The following GBF1 variants were observed in gnomAD, a reference collection of about 807,000 sequenced individuals.
GBF1 encodes Golgi-specific brefeldin A-resistance guanine nucleotide exchange factor 1.
A neutral mutation model predicts 210.5 loss-of-function variants in GBF1; 114 were observed. That is an observed-to-expected ratio of 0.54 (90% CI 0.47 to 0.63). The LOEUF (loss-of-function observed/expected upper bound fraction) is 0.63, where lower values mean the gene tolerates loss of function less well. Among genes scored for constraint, GBF1 ranks in the 30% least tolerant of loss-of-function variants. GBF1 has a pLI of 0.00. For missense variants in GBF1, 1,851 were observed against 2,357.7 expected, an observed-to-expected ratio of 0.79 and a Z score of 4.45; for synonymous variants, 850 against 889.2, an observed-to-expected ratio of 0.96 and a Z score of 0.78.
At chr10:102,380,157 T>C (rs2060754081) in intron 36 of GBF1, 92 bp from the exon 37 acceptor site, 7 of 846,578 alleles carry the variant, frequency 8.3e-6, no homozygotes, top group Non-Finnish European at 1.2e-5. Flanking sequence ...AAGATTCTCA[T>C]GCAAGATAGG....
At chr10:102,308,039 C>T (rs2078067913) in intron 3 of GBF1, among the ~76,000 whole-genome samples, 1 of 152,068 alleles carries the variant, frequency 6.6e-6, no homozygotes, top group Non-Finnish European at 1.5e-5. Context: ...CTCAGACTTT[C>T]ATACCCTAAG....
Position 102,377,040 on chromosome 10 carries a change from C to A in GBF1, c.4394C>A (p.Thr1465Asn), listed in dbSNP as rs1187619126. The A allele has an allele frequency of 6.2e-7, 1 of 1,614,144 alleles. No individual in the cohort carries two copies. Among genetic ancestry groups the A allele is most frequent in the Non-Finnish European group, 8.5e-7 (1 of 1,179,982 alleles). ...GGATCAATGCTTCGCCGGCCTCGAA[C>A]CTCCAGCCAACATGCCTCTCGGGGC... ...KEGSMLRRPRTSSQHASRGGQ... is the reference protein window; with the variant it reads ...KEGSMLRRPRNSSQHASRGGQ... Residue 1465 changes from threonine to asparagine, a missense_variant, in exon 33 of 40, where the codon ACC (threonine) becomes AAC (asparagine). By Grantham distance (65) the Thr-to-Asn change is moderately conservative. Coordinates refer to ENST00000369983, the MANE Select transcript of GBF1 (RefSeq NM_001377137.1).
rs1452314061 is a variant in GBF1, at chr10:102,361,875, C to A, written c.1649C>A (p.Ser550Tyr). 3 of 1,611,396 alleles carry A rather than the reference C, an allele frequency of 1.9e-6. No homozygotes were observed. Among genetic ancestry groups the A allele is most frequent in the Non-Finnish European group, 2.5e-6 (3 of 1,178,738 alleles). ...AACTATGATTGTGACTACTACTGTT[C>A]CAACCTCTTTGAGGAACTCACAAAG... The part of the protein sequence containing the change: ...YINYDCDYYC[S>Y]NLFEELTKLL... The change falls in exon 14 of 40, where the codon TCC becomes TAC. Residue 550 changes from serine to tyrosine, a missense_variant. Ser to Tyr is a moderately radical substitution (Grantham distance 144). Around this residue, in one of 3 missense-constraint regions of GBF1, gnomAD observed 804 missense variants for 958.6 expected, o/e 0.84. Coordinates refer to ENST00000369983, the MANE Select transcript of GBF1 (RefSeq NM_001377137.1).
At chr10:102,368,068 C>G in intron 21 of GBF1, 150 bp from the exon 22 acceptor site, 1 of 678,800 alleles carries the variant, frequency 1.5e-6, no homozygotes, top group Non-Finnish European at 2.6e-6. Flanking sequence ...TCTGTCTGCT[C>G]CCACTGGTGG....
At chr10:102,267,045 C>G (rs997468453) in intron 3 of GBF1, among the ~76,000 whole-genome samples, 2 of 152,212 alleles carry the variant, frequency 1.3e-5, no homozygotes, top group African/African-American at 2.4e-5. Flanking sequence ...GGAACTATGA[C>G]TTAACACCTG....
At position 102,368,258 on chromosome 10, in the gene GBF1, G is replaced by A. The variant is rs931736030; in HGVS notation, c.2683G>A (p.Val895Ile). ...IVMPEEQTGL[V>I]RENYVWNVLL... ...AATGCCTGAGGAGCAGACAGGCTTG[G>A]TTCGGGAGAACTATGTGTGGAATGT... is the stretch of plus-strand genomic sequence containing the variant. Residue 895 changes from valine (V) to isoleucine (I), a missense_variant, in exon 22 of 40, where the codon GTT (valine) becomes ATT (isoleucine). This residue lies in a region of GBF1 where 967 missense variants were observed against 1,247.7 expected (regional missense o/e 0.78). Transcript: ENST00000369983. 9 of 1,614,026 alleles carry A rather than the reference G, an allele frequency of 5.6e-6. No homozygotes were observed. The highest frequency in any genetic ancestry group is 1.3e-5 in the African/African-American group (1 of 74,944).
Position 102,375,595 on chromosome 10 carries a change from T to G in GBF1, c.3886+11T>G. ...ATGCACCTGATGCCGGTAAGCCCTTTCCCAGGGAGACTCAGGCTGGCAGAT... is the reference window on the plus strand; with the variant it reads ...ATGCACCTGATGCCGGTAAGCCCTTGCCCAGGGAGACTCAGGCTGGCAGAT... On this transcript the variant is annotated intron_variant, in intron 30 of 39. Transcript: ENST00000369983. 1 of 1,567,210 alleles carries G rather than the reference T, an allele frequency of 6.4e-7. No individual in the cohort carries two copies. Among genetic ancestry groups the G allele is most frequent in the South Asian group, 1.1e-5 (1 of 90,084 alleles).
At chr10:102,251,702 C>T (rs1376784838) in intron 1 of GBF1, among the ~76,000 whole-genome samples, 3 of 151,992 alleles carry the variant, frequency 2.0e-5, no homozygotes, top group East Asian at 1.9e-4. Context: ...AACAGGTGTG[C>T]GCCACCACAC....
intron 3 of GBF1, among the ~76,000 whole-genome samples, chr10:102,294,422 C>T (rs1295148722): frequency 1.3e-5 from 2 of 150,648 alleles, no homozygotes; most frequent in Non-Finnish European, 1.5e-5. Flanking sequence ...TGCTCTGTCG[C>T]CCAGGCTGGA....
At chr10:102,367,649 A>G (rs1191363824) in intron 21 of GBF1, 89 bp downstream of exon 21, 2 of 811,498 alleles carry the variant, frequency 2.5e-6, no homozygotes, top group African/African-American at 3.3e-5. Context: ...GTCAGACTGC[A>G]GTGACTCACA....
intron 3 of GBF1, among the ~76,000 whole-genome samples, chr10:102,330,821 G>A (rs1398923398): frequency 6.6e-6 from 1 of 152,178 alleles, no homozygotes; most frequent in African/African-American, 2.4e-5. Flanking sequence ...AGTTAATCTG[G>A]CTATTTAGCA....
chr10:102,293,852 A>ACTG (rs2076685533), intron 3 of GBF1, among the ~76,000 whole-genome samples: 1 of 130,532 alleles, frequency 7.7e-6, no homozygotes, highest in Non-Finnish European at 1.5e-5. Context: ...ATCTCTGCTC[A>ACTG]CTGCAAGCTC....
At chr10:102,310,292 C>T (rs950998803) in intron 3 of GBF1, among the ~76,000 whole-genome samples, 4 of 152,220 alleles carry the variant, frequency 2.6e-5, no homozygotes, top group South Asian at 2.1e-4. Flanking sequence ...TTCAAACTAG[C>T]TTCCTAAGAT....
rs1336373725 is a variant in GBF1 at position 102,363,283 on chromosome 10, C to T, written c.1904C>T (p.Ala635Val). 6.2e-7 allele frequency: 1 copy of T among 1,613,514 alleles called. No homozygotes were observed. The highest frequency in any genetic ancestry group is 1.3e-5 in the African/African-American group (1 of 74,930). Residue 635 changes from alanine (A) to valine (V), a missense_variant, in exon 16 of 40, where the codon GCT (alanine) becomes GTT (valine). Ala to Val is a moderately conservative substitution (Grantham distance 64). This residue lies in a region of GBF1 where 804 missense variants were observed against 958.6 expected (regional missense o/e 0.84). Coordinates refer to ENST00000369983, the MANE Select transcript of GBF1 (RefSeq NM_001377137.1). The surrounding 1 kb of genome is among the most constrained non-coding windows in gnomAD (Gnocchi z 4.2). ...GAGAGAACTGCCAGCGATGGGAAAG[C>T]TGTAGGCATGGCCTCAGACATCCCA... is the stretch of plus-strand genomic sequence containing the variant. ...NTERTASDGK[A>V]VGMASDIPGL...
chr10:102,345,033 T>C, intron 4 of GBF1, among the ~76,000 whole-genome samples: 1 of 151,960 alleles, frequency 6.6e-6, no homozygotes, highest in Non-Finnish European at 1.5e-5. Context: ...CCTGTAAGCC[T>C]AGCACTTTGG....
At chr10:102,274,534 A>T (rs918412006) in intron 3 of GBF1, among the ~76,000 whole-genome samples, 1 of 151,870 alleles carries the variant, frequency 6.6e-6, no homozygotes, top group Non-Finnish European at 1.5e-5. Context: ...TCACAGACTG[A>T]CCACATCACA....
At chr10:102,287,445 C>T (rs1046394241) in intron 3 of GBF1, among the ~76,000 whole-genome samples, 2 of 148,644 alleles carry the variant, frequency 1.3e-5, no homozygotes, top group East Asian at 4.0e-4. Flanking sequence ...ACCTTGGCCT[C>T]CCAAAGTGCT....
chr10:102,361,607 G>A (rs1267472510), intron 13 of GBF1, 111 bp from the exon 14 acceptor site: 2 of 675,046 alleles, frequency 3.0e-6, no homozygotes, highest in Non-Finnish European at 5.0e-6. Flanking sequence ...CTTAATACAT[G>A]CCTCTAGGCT....
In GBF1 at chr10:102,356,566, C is replaced by T. The variant is rs572345362; in HGVS notation, c.640-1473C>T. On this transcript the variant is annotated intron_variant, in intron 8 of 39. Coordinates refer to ENST00000369983, the MANE Select transcript of GBF1 (RefSeq NM_001377137.1). Reference sequence around the variant, plus strand: ...GGATCACGAGGTCAGGAGATCGAGACCATCCTGGCTAGCACGGTGAAACCC... The same window carrying T: ...GGATCACGAGGTCAGGAGATCGAGATCATCCTGGCTAGCACGGTGAAACCC... Among the ~76,000 whole-genome samples, 12 of 152,150 alleles carry T rather than the reference C, an allele frequency of 7.9e-5. No homozygotes were observed. The South Asian group carries it at 2.5e-3, about 32-fold the overall frequency.
Sources: allele counts gnomAD v4.1 joint callset (sites outside exome capture counted in the v4.1 genomes callset), GRCh38; gene constraint gnomAD v4.1.1; regional missense constraint gnomAD v4.1.1; non-coding constraint Gnocchi (gnomAD v3.1); transcripts MANE v1.5; gene names NCBI Gene and HGNC (gene_info 2026-07-23, HGNC 2026-07-21).